Variants in ST3GAL5 observed in about 807,000 individuals in gnomAD.
ST3GAL5 encodes ST3 beta-galactoside alpha-2,3-sialyltransferase 5.
A neutral mutation model predicts 46.1 loss-of-function variants in ST3GAL5; 25 were observed. That is an observed-to-expected ratio of 0.54 (90% CI 0.40 to 0.76). ST3GAL5 has a LOEUF of 0.76. ST3GAL5 is among the 30% of genes least tolerant of loss of function. The pLI, the probability that ST3GAL5 is intolerant of heterozygous loss-of-function variation, is 0.00. For missense variants in ST3GAL5, 431 were observed against 521.2 expected (o/e 0.83, Z 1.69); for synonymous variants, 182 against 192.7 (o/e 0.94, Z 0.46).
At chr2:85,842,583 C>T (rs899686292) in intron 6 of ST3GAL5, among the ~76,000 whole-genome samples, 8 of 152,020 alleles carry the variant, frequency 5.3e-5, no homozygotes, top group African/African-American at 1.9e-4. Context: ...AAGAAAAATG[C>T]CATTTTATCA....
At chr2:85,860,101 G>A (rs1030273126) in intron 3 of ST3GAL5, among the ~76,000 whole-genome samples, 20 of 152,192 alleles carry the variant, frequency 1.3e-4, no homozygotes, top group African/African-American at 4.6e-4. Context: ...TTCCCTGCCT[G>A]TGAGATGGGG....
chr2:85,888,943 C>T lies in ST3GAL5; in HGVS notation c.-38G>A, dbSNP rs981881116. On this transcript the variant is annotated 5_prime_UTR_variant, in exon 1 of 7. Transcript: ENST00000638572. ...GCGCCGGCCGGCCGCCAGCCCGGTA[C>T]CCCGCGCCCCCACCCGCCCCCAGCG... 9 of 1,286,494 alleles carry T rather than the reference C, an allele frequency of 7.0e-6. No individual in the cohort carries two copies. Among genetic ancestry groups the T allele is most frequent in the Non-Finnish European group, 8.9e-6 (9 of 1,014,880 alleles). 79.7% of individuals were successfully genotyped at this position (1,286,494 alleles called of 1,614,324 possible).
At position 85,839,375 on chromosome 2, in the gene ST3GAL5, A is replaced by G. The variant is rs1348155397; in HGVS notation, c.*769T>C. The G allele has an allele frequency of 6.6e-6, 1 of 152,340 alleles. No homozygotes were observed. The highest frequency in any genetic ancestry group is 6.5e-5 in the Admixed American group (1 of 15,286). 9.4% of individuals were successfully genotyped at this position (152,340 alleles called of 1,614,324 possible). A position where few individuals can be genotyped will look rare whatever the true frequency, so the allele number is the denominator to read the frequency against. On this transcript the variant is annotated 3_prime_UTR_variant, in exon 7 of 7. Transcript: ENST00000638572. ...TCTGATTTTTTAAGTCACCTCAGAC[A>G]GACACTGGAACACGTTAGATCTAAC... is the stretch of plus-strand genomic sequence containing the variant.
intron 3 of ST3GAL5, among the ~76,000 whole-genome samples, chr2:85,852,338 C>T (rs925964504): frequency 7.2e-5 from 11 of 152,222 alleles, no homozygotes; most frequent in East Asian, 1.9e-4. Context: ...TGGTGCTGGT[C>T]GCTTCTTCGC....
At chr2:85,870,447 C>G (rs1456279526) in intron 1 of ST3GAL5, among the ~76,000 whole-genome samples, 1 of 152,152 alleles carries the variant, frequency 6.6e-6, no homozygotes, top group South Asian at 2.1e-4. Context: ...TTTTTCATCT[C>G]CTAAGAGTTA....
chr2:85,866,267 C>T (rs967240393), intron 1 of ST3GAL5: 4 of 152,206 alleles, frequency 2.6e-5, no homozygotes, highest in Non-Finnish European at 4.4e-5. Context: ...ATCTGTTCAG[C>T]CATAAGATGA....
intron 3 of ST3GAL5, among the ~76,000 whole-genome samples, chr2:85,858,730 A>C (rs1295590737): frequency 6.6e-6 from 1 of 152,198 alleles, no homozygotes; most frequent in Non-Finnish European, 1.5e-5. Flanking sequence ...ATCCCTATAC[A>C]GAGCTCTGCC....
At chr2:85,886,783 C>A (rs1398535328) in intron 1 of ST3GAL5, among the ~76,000 whole-genome samples, 1 of 152,206 alleles carries the variant, frequency 6.6e-6, no homozygotes, top group African/African-American at 2.4e-5. Flanking sequence ...CCTTTGCTAA[C>A]TTATGCCACC....
At chr2:85,883,747 T>C (rs1573729161) in intron 1 of ST3GAL5, among the ~76,000 whole-genome samples, 2 of 152,210 alleles carry the variant, frequency 1.3e-5, no homozygotes, top group Admixed American at 1.3e-4. Context: ...GGCTGCAATT[T>C]TACTCTAAGA....
chr2:85,851,800 A>T, intron 3 of ST3GAL5: 1 of 1,082,784 alleles, frequency 9.2e-7, no homozygotes, highest in Non-Finnish European at 1.2e-6. Flanking sequence ...GGTGGCATTC[A>T]TCCAGATGAG....
At chr2:85,864,160 T>A (rs1192420020) in intron 1 of ST3GAL5, among the ~76,000 whole-genome samples, 1 of 152,196 alleles carries the variant, frequency 6.6e-6, no homozygotes, top group Admixed American at 6.5e-5. Flanking sequence ...ACATCTTGAC[T>A]GTATCCATGT....
chr2:85,837,540 C>T lies in ST3GAL5; in HGVS notation c.*2604G>A, dbSNP rs908180749. On this transcript the variant is annotated 3_prime_UTR_variant, in exon 7 of 7. Transcript: ENST00000638572. Reference sequence around the variant, plus strand: ...AGGTCAGTAGAATGCCTATAGTTTACAATAATTTACTGTGTATTTCAAAAT... The same window carrying T: ...AGGTCAGTAGAATGCCTATAGTTTATAATAATTTACTGTGTATTTCAAAAT... The T allele has an allele frequency of 2.0e-5, 3 of 152,260 alleles. No homozygotes were observed. Among genetic ancestry groups the T allele is most frequent in the Admixed American group, 1.3e-4 (2 of 15,302 alleles). The allele number at this position is 152,260 out of a possible 1,614,324, so 9.4% of individuals were successfully genotyped here.
At chr2:85,858,194 C>T (rs1044374952) in intron 3 of ST3GAL5, 4 of 152,288 alleles carry the variant, frequency 2.6e-5, no homozygotes, top group Admixed American at 2.0e-4. Context: ...CGAAACCAGC[C>T]TCCATCTTCC....
intron 3 of ST3GAL5, chr2:85,855,589 G>C (rs1213516437): frequency 6.6e-6 from 1 of 152,096 alleles, no homozygotes; most frequent in Non-Finnish European, 1.5e-5. Flanking sequence ...AGGAAAAATA[G>C]GTAAATTGGG....
At chr2:85,842,584 C>G (rs977070639) in intron 6 of ST3GAL5, among the ~76,000 whole-genome samples, 10 of 152,042 alleles carry the variant, frequency 6.6e-5, no homozygotes, top group Admixed American at 2.0e-4. Flanking sequence ...AGAAAAATGC[C>G]ATTTTATCAA....
At chr2:85,857,536 CAA>C (rs369873432) in intron 3 of ST3GAL5, among the ~76,000 whole-genome samples, 8 of 73,350 alleles carry the variant, frequency 1.1e-4, no homozygotes, top group Admixed American at 2.8e-4. Context: ...GACTCCGTCT[CAA>C]AAAAAAAAAA....
At position 85,847,935 on chromosome 2, in the gene ST3GAL5, C is replaced by T; in HGVS notation, c.588G>A (p.Val196=). The change falls in exon 4 of 7, where the codon GTG becomes GTA. Residue 196 remains valine, a synonymous_variant. Coordinates refer to ENST00000638572, the MANE Select transcript of ST3GAL5 (RefSeq NM_003896.4). Reference sequence around the variant, plus strand: ...GCAGTATTCCTCCGCTTCCAATAACCACACAGCGCCGACAGGTCTTGGCTT... The same window carrying T: ...GCAGTATTCCTCCGCTTCCAATAACTACACAGCGCCGACAGGTCTTGGCTT... ...HLKAKTCRRC[V]VIGSGGILHG... The T allele has an allele frequency of 1.9e-6, 3 of 1,614,152 alleles. No homozygotes were observed. The highest frequency in any genetic ancestry group is 2.5e-6 in the Non-Finnish European group (3 of 1,180,030).
intron 6 of ST3GAL5, among the ~76,000 whole-genome samples, chr2:85,843,269 T>C (rs1198227104): frequency 1.3e-5 from 2 of 152,226 alleles, no homozygotes; most frequent in African/African-American, 4.8e-5. Flanking sequence ...TCTAATTTCC[T>C]TGTAATAATG....
At chr2:85,868,997 C>T (rs944390729) in intron 1 of ST3GAL5, among the ~76,000 whole-genome samples, 5 of 152,134 alleles carry the variant, frequency 3.3e-5, no homozygotes, top group Admixed American at 1.3e-4. Context: ...TAATTATAGG[C>T]GTAGAGGCAT....
Sources: allele counts gnomAD v4.1 joint callset (sites outside exome capture counted in the v4.1 genomes callset), GRCh38; gene constraint gnomAD v4.1.1; transcripts MANE v1.5; gene names NCBI Gene and HGNC (gene_info 2026-07-23, HGNC 2026-07-21).